Variants in ATRNL1 observed in about 807,000 individuals in gnomAD.
The protein encoded by ATRNL1 is attractin like 1.
ATRNL1 carries 95 observed loss-of-function variants against 182.7 expected under a neutral mutation model. The ratio of observed to expected loss-of-function variants is 0.52; its 90% confidence interval spans 0.44 to 0.62. The LOEUF (loss-of-function observed/expected upper bound fraction) is 0.62. ATRNL1 is among the 20% of genes least tolerant of loss of function. The pLI is 0.00. For synonymous variants in ATRNL1, 576 were observed against 568.3 expected, an observed-to-expected ratio of 1.01 and a Z score of -0.19; for missense variants, 1,471 against 1,679.5, an observed-to-expected ratio of 0.88 and a Z score of 2.17.
At chr10:115,559,740 G>A (rs2133834403) in intron 26 of ATRNL1, among the ~76,000 whole-genome samples, 1 of 152,202 alleles carries the variant, frequency 6.6e-6, no homozygotes, top group Admixed American at 6.5e-5. Flanking sequence ...GGAATGAAAA[G>A]GAAATCCTCA....
chr10:115,906,297 T>C (rs1952500992), intron 28 of ATRNL1, among the ~76,000 whole-genome samples: 2 of 152,336 alleles, frequency 1.3e-5, no homozygotes, highest in South Asian at 4.1e-4. Context: ...AAAGTAAAAT[T>C]GGCTTTGAGG....
At position 115,946,394 on chromosome 10, in the gene ATRNL1, G is replaced by A. The variant is rs1953877526; in HGVS notation, c.*1615G>A. On this transcript the variant is annotated 3_prime_UTR_variant, in exon 29 of 29. Coordinates refer to ENST00000355044, the MANE Select transcript of ATRNL1 (RefSeq NM_207303.4). Reference sequence around the variant, plus strand: ...TGAGGATTGAATGTCATATATAAGAGGAATGATCATACAATATGTAGTTGC... The same window carrying A: ...TGAGGATTGAATGTCATATATAAGAAGAATGATCATACAATATGTAGTTGC... The A allele has an allele frequency of 6.6e-6, 1 of 152,052 alleles. No homozygotes were observed. Among genetic ancestry groups the A allele is most frequent in the Non-Finnish European group, 1.5e-5 (1 of 68,006 alleles). The allele number at this position is 152,052 out of a possible 1,614,324, so 9.4% of individuals were successfully genotyped here.
At chr10:115,777,246 C>G (rs1185044391) in intron 27 of ATRNL1, among the ~76,000 whole-genome samples, 1 of 152,118 alleles carries the variant, frequency 6.6e-6, no homozygotes, top group African/African-American at 2.4e-5. Context: ...AGGTGTTTGA[C>G]ACCTAGTAAA....
intron 28 of ATRNL1, among the ~76,000 whole-genome samples, chr10:115,899,351 C>T (rs1440434681): frequency 6.6e-6 from 1 of 152,106 alleles, no homozygotes; most frequent in South Asian, 2.1e-4. Flanking sequence ...TCTTATTGCC[C>T]AGACTGGAAG....
intron 28 of ATRNL1, among the ~76,000 whole-genome samples, chr10:115,883,666 A>G (rs1311399912): frequency 6.6e-6 from 1 of 152,252 alleles, no homozygotes; most frequent in Non-Finnish European, 1.5e-5. Context: ...GAAGTTTTTT[A>G]AAAGGACAAC....
rs560707267 is a variant in ATRNL1 at position 115,259,658 on chromosome 10, T to C, written c.1688-5535T>C. On this transcript the variant is annotated intron_variant, in intron 10 of 28. Coordinates refer to ENST00000355044, the MANE Select transcript of ATRNL1 (RefSeq NM_207303.4). ...ACTAGTCCCAATGAGATGAACCAGG[T>C]ACCTCAGTTGGAAATGCAGAAATCA... 3.3e-5 allele frequency among the ~76,000 whole-genome samples: 5 copies of C among 152,138 alleles called. No individual in the cohort carries two copies. The South Asian group carries it at 1.0e-3, about 31-fold the overall frequency.
chr10:115,884,288 A>G (rs1177992576), intron 28 of ATRNL1, among the ~76,000 whole-genome samples: 1 of 152,200 alleles, frequency 6.6e-6, no homozygotes, highest in African/African-American at 2.4e-5. Flanking sequence ...ATGACACACC[A>G]ATTAACTCTA....
intron 1 of ATRNL1, among the ~76,000 whole-genome samples, chr10:115,106,549 A>AT (rs1844020465): frequency 6.6e-6 from 1 of 152,096 alleles, no homozygotes; most frequent in South Asian, 2.1e-4. Flanking sequence ...ATCTCCTAGA[A>AT]TTTTTTGATG....
chr10:115,383,017 G>C (rs1554951643), intron 19 of ATRNL1, among the ~76,000 whole-genome samples: 1 of 151,514 alleles, frequency 6.6e-6, no homozygotes, highest in Non-Finnish European at 1.5e-5. Context: ...TAGAGAGGAA[G>C]TTCTTTTTAT....
At chr10:115,677,686 A>G (rs1945909487) in intron 26 of ATRNL1, among the ~76,000 whole-genome samples, 1 of 151,958 alleles carries the variant, frequency 6.6e-6, no homozygotes, top group Admixed American at 6.6e-5. Context: ...GTCCAATTAA[A>G]CCTCTTTTTC....
chr10:115,682,571 T>C (rs1032595803), intron 26 of ATRNL1, among the ~76,000 whole-genome samples: 10 of 151,982 alleles, frequency 6.6e-5, no homozygotes, highest in Non-Finnish European at 1.0e-4. Flanking sequence ...CAAAAAGGAA[T>C]ATGTACTTGA....
chr10:115,120,294 A>T, intron 2 of ATRNL1, 26 bp downstream of exon 2: 1 of 1,177,502 alleles, frequency 8.5e-7, no homozygotes, highest in African/African-American at 1.6e-5. Context: ...GAGTCAAATT[A>T]ATGTATTTTA....
At chr10:115,331,898 A>G (rs1554935200) in intron 18 of ATRNL1, among the ~76,000 whole-genome samples, 1 of 152,166 alleles carries the variant, frequency 6.6e-6, no homozygotes, top group East Asian at 1.9e-4. Context: ...ACCCTCACAT[A>G]TGAAGGATTG....
chr10:115,588,531 G>A (rs1288508611), intron 26 of ATRNL1, among the ~76,000 whole-genome samples: 1 of 152,158 alleles, frequency 6.6e-6, no homozygotes, highest in African/African-American at 2.4e-5. Flanking sequence ...AAAGCTAAGT[G>A]TTTTAAGAAC....
chr10:115,668,941 T>C (rs1006926453), intron 26 of ATRNL1, among the ~76,000 whole-genome samples: 4 of 152,114 alleles, frequency 2.6e-5, no homozygotes, highest in Non-Finnish European at 4.4e-5. Context: ...TCAGACATAC[T>C]GATTTCTTGA....
chr10:115,858,782 T>C (rs1951244704), intron 28 of ATRNL1, among the ~76,000 whole-genome samples: 1 of 152,158 alleles, frequency 6.6e-6, no homozygotes, highest in Admixed American at 6.5e-5. Flanking sequence ...AAACTGCCAA[T>C]TGGTAAAAAA....
intron 21 of ATRNL1, among the ~76,000 whole-genome samples, chr10:115,437,920 G>A (rs1846480143): frequency 6.6e-6 from 1 of 151,912 alleles, no homozygotes; most frequent in Non-Finnish European, 1.5e-5. Context: ...TATCCCTGTT[G>A]TACCATTGGG....
chr10:115,470,274 A>G (rs1848243972), intron 24 of ATRNL1, among the ~76,000 whole-genome samples: 1 of 150,406 alleles, frequency 6.6e-6, no homozygotes, highest in Admixed American at 6.7e-5. Flanking sequence ...TAAATTATGG[A>G]AATTATTCAA....
At chr10:115,705,492 G>C (rs994119359) in intron 26 of ATRNL1, among the ~76,000 whole-genome samples, 7 of 151,778 alleles carry the variant, frequency 4.6e-5, no homozygotes, top group African/African-American at 1.5e-4. Flanking sequence ...CTCTAAATCT[G>C]TTCTCTACTA....
Sources: gnomAD v4.1 joint callset for allele counts (sites outside exome capture counted in the v4.1 genomes callset) on GRCh38, gnomAD v4.1.1 for gene constraint, MANE v1.5 for transcripts, NCBI Gene and HGNC (gene_info 2026-07-23, HGNC 2026-07-21) for gene names.